The following SETBP1 variants were observed in gnomAD, a reference collection of about 807,000 sequenced individuals.
SETBP1 encodes the protein SET binding protein 1.
SETBP1 carries 9 observed loss-of-function variants against 101.0 expected under a neutral mutation model. The observed-to-expected ratio is 0.09, with a 90% CI of 0.05 to 0.16. SETBP1 has a LOEUF of 0.16. Ranked by LOEUF, SETBP1 falls within the 10% of genes least tolerant of loss-of-function variation. The pLI is 1.00. For missense variants in SETBP1, 1,858 were observed against 2,033.8 expected, an observed-to-expected ratio of 0.91 and a Z score of 1.66; for synonymous variants, 818 against 788.5, an observed-to-expected ratio of 1.04 and a Z score of -0.63.
At chr18:44,684,284 T>C (rs2068802301) in intron 1 of SETBP1, among the ~76,000 whole-genome samples, 1 of 152,194 alleles carries the variant, frequency 6.6e-6, no homozygotes, top group Non-Finnish European at 1.5e-5. Flanking sequence ...AAGTTGCACA[T>C]ACTTTGGCCT....
At chr18:44,783,301 A>G (rs1430350294) in intron 2 of SETBP1, among the ~76,000 whole-genome samples, 3 of 152,224 alleles carry the variant, frequency 2.0e-5, no homozygotes, top group Admixed American at 6.5e-5. Flanking sequence ...TCAAAGTGCC[A>G]CAGCTTGTTT....
intron 3 of SETBP1, among the ~76,000 whole-genome samples, chr18:44,906,628 G>T (rs1201615820): frequency 6.6e-6 from 1 of 152,164 alleles, no homozygotes; most frequent in African/African-American, 2.4e-5. Context: ...TTATTTGTTT[G>T]TAGCCCTCCC....
At chr18:44,720,900 A>AAC (rs2069572618) in intron 2 of SETBP1, among the ~76,000 whole-genome samples, 1 of 101,200 alleles carries the variant, frequency 9.9e-6, no homozygotes, top group African/African-American at 3.9e-5. Flanking sequence ...GGAGCCCTCC[A>AAC]ACCCCCACCC....
rs112595207 is a variant in SETBP1, at chr18:45,038,207, G to A, written c.4001-278G>A. Among the ~76,000 whole-genome samples the A allele has an allele frequency of 0.011, 1,737 of 152,218 alleles. 31 individuals carry two copies. Among genetic ancestry groups the A allele is most frequent in the African/African-American group, 0.036 (1,487 of 41,516 alleles). Reference sequence around the variant, plus strand: ...AATGTACATCCTCAAAAGGCAAAGGGGCACCTGATGGATTATTCTGCTTCA... The same window carrying A: ...AATGTACATCCTCAAAAGGCAAAGGAGCACCTGATGGATTATTCTGCTTCA... On this transcript the variant is annotated intron_variant, in intron 4 of 5. Coordinates refer to ENST00000649279, the MANE Select transcript of SETBP1 (RefSeq NM_015559.3).
chr18:44,906,908 C>T (rs1421548527), intron 3 of SETBP1, among the ~76,000 whole-genome samples: 3 of 152,074 alleles, frequency 2.0e-5, no homozygotes, highest in Non-Finnish European at 4.4e-5. Context: ...TAAAAAGATA[C>T]AAAATAGTGA....
rs1365737004 is a variant in SETBP1 at position 44,951,652 on chromosome 18, C to T, written c.2312C>T (p.Ser771Phe). The stretch of plus-strand genomic sequence containing the variant: ...TCCAACTTTCAGTCACTTGTGGCGT[C>T]TTCACCAGCAGCTATGCACCCACTT... ...VPSNFQSLVA[S>F]SPAAMHPLST... Residue 771 changes from serine (S) to phenylalanine (F), a missense_variant, in exon 4 of 6, where the codon TCT becomes TTT. Coordinates refer to ENST00000649279, the MANE Select transcript of SETBP1 (RefSeq NM_015559.3). The surrounding 1 kb of genome is among the most constrained non-coding windows in gnomAD (Gnocchi z 7.8). 2 of 1,614,074 alleles carry T rather than the reference C, an allele frequency of 1.2e-6. No individual in the cohort carries two copies. The highest frequency in any genetic ancestry group is 1.3e-5 in the African/African-American group (1 of 74,926).
intron 2 of SETBP1, among the ~76,000 whole-genome samples, chr18:44,813,895 C>T (rs538690485): frequency 1.3e-5 from 2 of 152,298 alleles, no homozygotes; most frequent in Non-Finnish European, 2.9e-5. Flanking sequence ...ACCTCCAAAT[C>T]TCCTGGAGTT....
chr18:44,880,703 G>C (rs893791815), intron 3 of SETBP1, among the ~76,000 whole-genome samples: 1 of 152,164 alleles, frequency 6.6e-6, no homozygotes, highest in Non-Finnish European at 1.5e-5. Flanking sequence ...AGGAGCAAGA[G>C]AGCGAGTAGG....
intron 5 of SETBP1, among the ~76,000 whole-genome samples, chr18:45,041,366 A>G (rs2073504918): frequency 6.6e-6 from 1 of 152,218 alleles, no homozygotes; most frequent in Admixed American, 6.5e-5. Flanking sequence ...AGTAACATAT[A>G]TAGTACTGTA....
At position 44,755,010 on chromosome 18, in the gene SETBP1, C is replaced by A. The variant is rs959782772; in HGVS notation, c.486+53178C>A. Among the ~76,000 whole-genome samples, 5 of 152,136 alleles carry A rather than the reference C, an allele frequency of 3.3e-5. No homozygotes were observed. The East Asian group carries it at 9.6e-4, about 29-fold the overall frequency. ...TTGACCAAATTTCTGGAATCTATCTCCAAACTATCTTATGCCCTTAACTCA... is the reference window on the plus strand; with the variant it reads ...TTGACCAAATTTCTGGAATCTATCTACAAACTATCTTATGCCCTTAACTCA... On this transcript the variant is annotated intron_variant, in intron 2 of 5. Coordinates refer to ENST00000649279, the MANE Select transcript of SETBP1 (RefSeq NM_015559.3).
intron 2 of SETBP1, among the ~76,000 whole-genome samples, chr18:44,811,813 C>G (rs1289326457): frequency 6.6e-6 from 1 of 152,218 alleles, no homozygotes; most frequent in Admixed American, 6.5e-5. Flanking sequence ...AAGTCAAGAC[C>G]TGTTTCTGGG....
At chr18:44,989,219 T>C (rs894416474) in intron 4 of SETBP1, 2 of 151,934 alleles carry the variant, frequency 1.3e-5, no homozygotes, top group Non-Finnish European at 2.9e-5. Flanking sequence ...AAGAAGAACA[T>C]CAAAAGAATA....
chr18:44,700,687 A>C (rs1372772896), intron 1 of SETBP1, among the ~76,000 whole-genome samples: 1 of 152,182 alleles, frequency 6.6e-6, no homozygotes, highest in Non-Finnish European at 1.5e-5. Flanking sequence ...CCCTCCTCCA[A>C]GTGGGTGGAG....
intron 2 of SETBP1, among the ~76,000 whole-genome samples, chr18:44,815,159 T>C (rs1599165264): frequency 6.6e-6 from 1 of 152,338 alleles, no homozygotes; most frequent in Non-Finnish European, 1.5e-5. Flanking sequence ...TAAGCTCTTA[T>C]CATATTTCCA....
chr18:44,862,983 G>GGTTT (rs144524569), intron 2 of SETBP1, among the ~76,000 whole-genome samples: 41 of 152,258 alleles, frequency 2.7e-4, no homozygotes, highest in African/African-American at 5.5e-4. Flanking sequence ...CTATGACAGA[G>GGTTT]GTTTGTTTGT....
In SETBP1 at chr18:45,054,480, C is replaced by G. The variant is rs191356394; in HGVS notation, c.4172-8599C>G. On this transcript the variant is annotated intron_variant, in intron 5 of 5. Transcript: ENST00000649279. The stretch of plus-strand genomic sequence containing the variant: ...GGATTACAGGCGTGAGCCACCGTGC[C>G]CAGCTGACTATTTATAAGTGGCTGA... Among the ~76,000 whole-genome samples the G allele has an allele frequency of 1.0e-3, 159 of 152,294 alleles. 1 individual carries two copies. Among genetic ancestry groups the G allele is most frequent in the African/African-American group, 3.5e-3 (146 of 41,548 alleles).
chr18:45,032,599 A>G (rs2073319004), intron 4 of SETBP1, among the ~76,000 whole-genome samples: 1 of 152,196 alleles, frequency 6.6e-6, no homozygotes, highest in African/African-American at 2.4e-5. Context: ...ACCTCTGATT[A>G]CGCAGGTTGT....
rs530535624 is a variant in SETBP1 at position 44,897,188 on chromosome 18, G to A, written c.540+27905G>A. On this transcript the variant is annotated intron_variant, in intron 3 of 5. Coordinates refer to ENST00000649279, the MANE Select transcript of SETBP1 (RefSeq NM_015559.3). ...TTAAGTTCTGCGGGGTCCTTTGGGG[G>A]CCATTTGAAACCCAAATTGGTGAGG... is the stretch of plus-strand genomic sequence containing the variant. Among the ~76,000 whole-genome samples the A allele has an allele frequency of 2.0e-5, 3 of 152,276 alleles. 1 individual carries two copies. The highest frequency in any genetic ancestry group is 4.1e-4 in the South Asian group (2 of 4,826).
At chr18:44,727,956 A>G (rs981520924) in intron 2 of SETBP1, among the ~76,000 whole-genome samples, 2 of 152,208 alleles carry the variant, frequency 1.3e-5, no homozygotes, top group Admixed American at 1.3e-4. Flanking sequence ...AATAAAAAAA[A>G]GAGACTGAAT....
Sources: gnomAD v4.1 joint callset for allele counts (sites outside exome capture counted in the v4.1 genomes callset) on GRCh38, gnomAD v4.1.1 for gene constraint, Gnocchi (gnomAD v3.1) non-coding constraint, MANE v1.5 for transcripts, NCBI Gene and HGNC (gene_info 2026-07-23, HGNC 2026-07-21) for gene names.